Variants in H2BC21 observed in about 807,000 individuals in gnomAD.
H2BC21 encodes the protein histone H2B type 2-E.
Under a neutral mutation model 6.2 loss-of-function variants are expected in H2BC21, and 2 were observed. The observed-to-expected ratio is 0.32, with a 90% confidence interval of 0.13 to 1.02. The LOEUF is 1.02. H2BC21 is among the 50% of genes least tolerant of loss of function. The pLI, the probability that H2BC21 is intolerant of heterozygous loss-of-function variation, is 0.47. For synonymous variants in H2BC21, 109 were observed against 75.2 expected, an observed-to-expected ratio of 1.45 and a Z score of -2.33; for missense variants, 98 against 172.2, an observed-to-expected ratio of 0.57 and a Z score of 2.41.
At position 149,886,669 on chromosome 1, in the gene H2BC21, C is replaced by G; in HGVS notation, c.-29G>C. On this transcript the variant is annotated 5_prime_UTR_variant, in exon 1 of 1. Coordinates refer to ENST00000369155, the MANE Select transcript of H2BC21 (RefSeq NM_003528.3). ...AAGACACAGTACAAACGCGGCTTAG[C>G]CAAGAAAAGAAGTAAGAGAATGGGC... 1 of 1,591,808 alleles carries G rather than the reference C, an allele frequency of 6.3e-7. No homozygotes were observed. Among genetic ancestry groups the G allele is most frequent in the East Asian group, 2.2e-5 (1 of 44,702 alleles).
Position 149,886,121 on chromosome 1 carries a change from T to C in H2BC21, c.*139A>G, listed in dbSNP as rs750239745. On this transcript the variant is annotated 3_prime_UTR_variant, in exon 1 of 1. Coordinates refer to ENST00000369155, the MANE Select transcript of H2BC21 (RefSeq NM_003528.3). ...ATTTCCCATGACCTTCACACTAAAA[T>C]AACTTACTTTATGAAAAGAAACTAA... 1,086 of 1,421,748 alleles carry C rather than the reference T, an allele frequency of 7.6e-4. 2 individuals are homozygous for C. The highest frequency in any genetic ancestry group is 9.8e-4 in the Non-Finnish European group (1,028 of 1,052,702). 88.1% of individuals were successfully genotyped at this position (1,421,748 alleles called of 1,614,324 possible). A position where few individuals can be genotyped will look rare whatever the true frequency, so the allele number is the denominator to read the frequency against.
At position 149,886,009 on chromosome 1, in the gene H2BC21, G is replaced by T; in HGVS notation, c.*251C>A. On this transcript the variant is annotated 3_prime_UTR_variant, in exon 1 of 1. Transcript: ENST00000369155. ...TCCTGGGAAGGCTAAGCAGCACAAT[G>T]AGTAAAGACACGCTCTAGATTCAAA... is the stretch of plus-strand genomic sequence containing the variant. 1 of 635,442 alleles carries T rather than the reference G, an allele frequency of 1.6e-6. No homozygotes were observed. The highest frequency in any genetic ancestry group is 2.6e-6 in the Non-Finnish European group (1 of 381,810). The allele number at this position is 635,442 out of a possible 1,614,324, so 39.4% of individuals were successfully genotyped here.
rs951096736 is a variant in H2BC21, at chr1:149,885,153, T to C, written c.*1107A>G. On this transcript the variant is annotated 3_prime_UTR_variant, in exon 1 of 1. Transcript: ENST00000369155. ...GCTCCAAGAACATTTCCATTTTCAC[T>C]GTGCCTTCACATACATCTAATGGAA... 1.3e-5 allele frequency: 2 copies of C among 152,654 alleles called. No homozygotes were observed. Among genetic ancestry groups the C allele is most frequent in the East Asian group, 1.9e-4 (1 of 5,196 alleles). The allele number at this position is 152,654 out of a possible 1,614,324, so 9.5% of individuals were successfully genotyped here. A position where few individuals can be genotyped will look rare whatever the true frequency, so the allele number is the denominator to read the frequency against.
In H2BC21 at chr1:149,885,331, C is replaced by G. The variant is rs782183621; in HGVS notation, c.*929G>C. On this transcript the variant is annotated 3_prime_UTR_variant, in exon 1 of 1. Coordinates refer to ENST00000369155, the MANE Select transcript of H2BC21 (RefSeq NM_003528.3). ...GGGAAAACCACACTAGCCGGTCTGT[C>G]AAGGGCTTGAGAATACCATAAACAA... 6.6e-6 allele frequency: 1 copy of G among 152,298 alleles called. No homozygotes were observed. The highest frequency in any genetic ancestry group is 6.5e-5 in the Admixed American group (1 of 15,284). The allele number at this position is 152,298 out of a possible 1,614,324, so 9.4% of individuals were successfully genotyped here. A position where few individuals can be genotyped will look rare whatever the true frequency, so the allele number is the denominator to read the frequency against.
Position 149,886,103 on chromosome 1 carries a change from A to T in H2BC21, c.*157T>A. The T allele has an allele frequency of 9.3e-6, 12 of 1,288,020 alleles. No homozygotes were observed. In the South Asian group the frequency reaches 1.7e-4, roughly 19 times the overall value. 79.8% of individuals were successfully genotyped at this position (1,288,020 alleles called of 1,614,324 possible). On this transcript the variant is annotated 3_prime_UTR_variant, in exon 1 of 1. Transcript: ENST00000369155. ...TAAAAAGCTACGTATGCCATTTCCCATGACCTTCACACTAAAATAACTTAC... is the reference window on the plus strand; with the variant it reads ...TAAAAAGCTACGTATGCCATTTCCCTTGACCTTCACACTAAAATAACTTAC...
chr1:149,886,680 A>G lies in H2BC21; in HGVS notation c.-40T>C, dbSNP rs587674008. On this transcript the variant is annotated 5_prime_UTR_variant, in exon 1 of 1. Transcript: ENST00000369155. ...CAAACGCGGCTTAGCCAAGAAAAGA[A>G]GTAAGAGAATGGGCGGGCCTGATTC... is the stretch of plus-strand genomic sequence containing the variant. 4.4e-6 allele frequency: 7 copies of G among 1,585,830 alleles called. No homozygotes were observed. In the South Asian group the frequency reaches 8.0e-5, roughly 18 times the overall value.
chr1:149,886,587 G>A lies in H2BC21; in HGVS notation c.54C>T (p.Ala18=). The change falls in exon 1 of 1, where the codon GCC becomes GCT. Residue 18 remains alanine, a synonymous_variant. Transcript: ENST00000369155. ...CGTCTTTCTTCTGGGCTTTGGTGAC[G>A]GCTTTCTTGGAGCCCTTTTTAGGGG... ...APAPKKGSKK[A]VTKAQKKDGK... 6.2e-7 allele frequency: 1 copy of A among 1,614,190 alleles called. No homozygotes were observed. Among genetic ancestry groups the A allele is most frequent in the Non-Finnish European group, 8.5e-7 (1 of 1,180,024 alleles).
Position 149,885,917 on chromosome 1 carries a change from G to A in H2BC21, c.*343C>T, listed in dbSNP as rs886855603. 2.6e-6 allele frequency: 1 copy of A among 388,684 alleles called. No individual in the cohort carries two copies. Among genetic ancestry groups the A allele is most frequent in the South Asian group, 2.3e-5 (1 of 43,836 alleles). The allele number at this position is 388,684 out of a possible 1,614,324, so 24.1% of individuals were successfully genotyped here. A position where few individuals can be genotyped will look rare whatever the true frequency, so the allele number is the denominator to read the frequency against. On this transcript the variant is annotated 3_prime_UTR_variant, in exon 1 of 1. Transcript: ENST00000369155. ...GAAACAGACCCAAGGAGCCACCAGG[G>A]CGCGTGTGGGGCGGGAGTGGGGGCG...
chr1:149,886,536 T>C lies in H2BC21; in HGVS notation c.105A>G (p.Lys35=), dbSNP rs782404356. ...TGTACACGTAGATGGAGTAGCTCTC[T>C]TTGCGGCTGCGCTTGCGCTTCTTGC... The part of the protein sequence containing the change: ...KDGKKRKRSR[K]ESYSIYVYKV... Residue 35 remains lysine (K), a synonymous_variant, in exon 1 of 1, where the codon AAA becomes AAG. Transcript: ENST00000369155. 2.5e-5 allele frequency: 41 copies of C among 1,614,132 alleles called. No homozygotes were observed. The highest frequency in any genetic ancestry group is 3.3e-4 in the Middle Eastern group (2 of 6,084).
At position 149,885,849 on chromosome 1, in the gene H2BC21, T is replaced by G. The variant is rs2092294197; in HGVS notation, c.*411A>C. The G allele has an allele frequency of 1.0e-5, 3 of 290,442 alleles. No individual in the cohort carries two copies. Among genetic ancestry groups the G allele is most frequent in the Admixed American group, 5.1e-5 (1 of 19,532 alleles). 18.0% of individuals were successfully genotyped at this position (290,442 alleles called of 1,614,324 possible). A position where few individuals can be genotyped will look rare whatever the true frequency, so the allele number is the denominator to read the frequency against. On this transcript the variant is annotated 3_prime_UTR_variant, in exon 1 of 1. Transcript: ENST00000369155. Reference sequence around the variant, plus strand: ...ACCCGGGCTGAATTGTGTCCTGGAGTTCTCTTAAATGACAGCCGAACTCAG... The same window carrying G: ...ACCCGGGCTGAATTGTGTCCTGGAGGTCTCTTAAATGACAGCCGAACTCAG...
chr1:149,886,005 CAATGAGT>C lies in H2BC21; in HGVS notation c.*248_*254del, dbSNP rs1553759648. The C allele has an allele frequency of 3.2e-6, 2 of 620,116 alleles. No homozygotes were observed. The highest frequency in any genetic ancestry group is 5.4e-6 in the Non-Finnish European group (2 of 371,094). The allele number at this position is 620,116 out of a possible 1,614,324, so 38.4% of individuals were successfully genotyped here. A position where few individuals can be genotyped will look rare whatever the true frequency, so the allele number is the denominator to read the frequency against. Reference sequence around the variant, plus strand: ...CGACTCCTGGGAAGGCTAAGCAGCACAATGAGTAAAGACACGCTCTAGATTCAAAAGC... The same window carrying C: ...CGACTCCTGGGAAGGCTAAGCAGCACAAAGACACGCTCTAGATTCAAAAGC... On this transcript the variant is annotated 3_prime_UTR_variant, in exon 1 of 1. Transcript: ENST00000369155.
Position 149,886,629 on chromosome 1 carries a change from C to G in H2BC21, c.12G>C (p.Pro4=), listed in dbSNP as rs782633896. MPE[P]AKSAPAPKKG... ...TTTTAGGGGCCGGAGCGGATTTTGC[C>G]GGTTCAGGCATGGTAAGACACAGTA... Residue 4 remains proline (P), a synonymous_variant, in exon 1 of 1, where the codon CCG becomes CCC. Transcript: ENST00000369155. 2.5e-6 allele frequency: 4 copies of G among 1,613,658 alleles called. No individual in the cohort carries two copies. The Admixed American group carries it at 6.7e-5, about 27-fold the overall frequency.
rs1571466599 is a variant in H2BC21, at chr1:149,886,000, C to G, written c.*260G>C. 1 of 604,034 alleles carries G rather than the reference C, an allele frequency of 1.7e-6. No individual in the cohort carries two copies. Among genetic ancestry groups the G allele is most frequent in the African/African-American group, 1.9e-5 (1 of 53,802 alleles). 37.4% of individuals were successfully genotyped at this position (604,034 alleles called of 1,614,324 possible). A position where few individuals can be genotyped will look rare whatever the true frequency, so the allele number is the denominator to read the frequency against. Reference sequence around the variant, plus strand: ...AGAACCGACTCCTGGGAAGGCTAAGCAGCACAATGAGTAAAGACACGCTCT... The same window carrying G: ...AGAACCGACTCCTGGGAAGGCTAAGGAGCACAATGAGTAAAGACACGCTCT... On this transcript the variant is annotated 3_prime_UTR_variant, in exon 1 of 1. Coordinates refer to ENST00000369155, the MANE Select transcript of H2BC21 (RefSeq NM_003528.3).
At position 149,886,285 on chromosome 1, in the gene H2BC21, A is replaced by AC. The variant is rs1559774255; in HGVS notation, c.355dup (p.Val119GlyfsTer39). 3.1e-6 allele frequency: 5 copies of AC among 1,614,040 alleles called. No homozygotes were observed. The highest frequency in any genetic ancestry group is 4.2e-6 in the Non-Finnish European group (5 of 1,179,944). On this transcript the variant is annotated frameshift_variant, in exon 1 of 1. Coordinates refer to ENST00000369155, the MANE Select transcript of H2BC21 (RefSeq NM_003528.3). LOFTEE classifies it high-confidence loss of function. ...TCACTTGGAGCTGGTGTACTTGGTG[A>AC]CCGCCTTGGTGCCCTCGGACACGGC...
In H2BC21 at chr1:149,886,030, T is replaced by C. The variant is rs1559774058; in HGVS notation, c.*230A>G. 1 of 716,934 alleles carries C rather than the reference T, an allele frequency of 1.4e-6. No homozygotes were observed. Among genetic ancestry groups the C allele is most frequent in the African/African-American group, 1.8e-5 (1 of 55,926 alleles). The allele number at this position is 716,934 out of a possible 1,614,324, so 44.4% of individuals were successfully genotyped here. A position where few individuals can be genotyped will look rare whatever the true frequency, so the allele number is the denominator to read the frequency against. Reference sequence around the variant, plus strand: ...CAATGAGTAAAGACACGCTCTAGATTCAAAAGCAAATCCAATGACGCACTG... The same window carrying C: ...CAATGAGTAAAGACACGCTCTAGATCCAAAAGCAAATCCAATGACGCACTG... On this transcript the variant is annotated 3_prime_UTR_variant, in exon 1 of 1. Transcript: ENST00000369155.
In H2BC21 at chr1:149,885,836, T is replaced by C. The variant is rs587738039; in HGVS notation, c.*424A>G. ...CAGTGTTTGCGGAACCCGGGCTGAA[T>C]TGTGTCCTGGAGTTCTCTTAAATGA... On this transcript the variant is annotated 3_prime_UTR_variant, in exon 1 of 1. Transcript: ENST00000369155. 191 of 278,268 alleles carry C rather than the reference T, an allele frequency of 6.9e-4. No homozygotes were observed. The highest frequency in any genetic ancestry group is 1.1e-3 in the Non-Finnish European group (153 of 142,788). 17.2% of individuals were successfully genotyped at this position (278,268 alleles called of 1,614,324 possible).
chr1:149,885,050 T>A lies in H2BC21; in HGVS notation c.*1210A>T, dbSNP rs1401589477. The A allele has an allele frequency of 6.6e-6, 1 of 152,574 alleles. No homozygotes were observed. Among genetic ancestry groups the A allele is most frequent in the Non-Finnish European group, 1.5e-5 (1 of 68,026 alleles). 9.5% of individuals were successfully genotyped at this position (152,574 alleles called of 1,614,324 possible). On this transcript the variant is annotated 3_prime_UTR_variant, in exon 1 of 1. Coordinates refer to ENST00000369155, the MANE Select transcript of H2BC21 (RefSeq NM_003528.3). ...TGGATCTACCATTGCCACCTCCTCTTTGTAGCAAAAAAAATCTTAACACGG... is the reference window on the plus strand; with the variant it reads ...TGGATCTACCATTGCCACCTCCTCTATGTAGCAAAAAAAATCTTAACACGG...
At position 149,886,253 on chromosome 1, in the gene H2BC21, C is replaced by T. The variant is rs587731296; in HGVS notation, c.*7G>A. 10 of 1,614,074 alleles carry T rather than the reference C, an allele frequency of 6.2e-6. No individual in the cohort carries two copies. The highest frequency in any genetic ancestry group is 8.5e-6 in the Non-Finnish European group (10 of 1,179,962). ...CGAGCGAGCGAGCGCCAGGTCCCGG[C>T]AGGGACTCACTTGGAGCTGGTGTAC... is the stretch of plus-strand genomic sequence containing the variant. On this transcript the variant is annotated 3_prime_UTR_variant, in exon 1 of 1. Transcript: ENST00000369155.
chr1:149,886,200 A>G lies in H2BC21; in HGVS notation c.*60T>C. On this transcript the variant is annotated 3_prime_UTR_variant, in exon 1 of 1. Coordinates refer to ENST00000369155, the MANE Select transcript of H2BC21 (RefSeq NM_003528.3). ...TGATTAGGTGGGTGGCTCTGAAAAGAGCCTTTGGAGTCAAGCAGCCGGCGA... is the reference window on the plus strand; with the variant it reads ...TGATTAGGTGGGTGGCTCTGAAAAGGGCCTTTGGAGTCAAGCAGCCGGCGA... The G allele has an allele frequency of 6.2e-7, 1 of 1,613,126 alleles. No homozygotes were observed. The highest frequency in any genetic ancestry group is 1.3e-5 in the African/African-American group (1 of 75,026).
Sources: gnomAD v4.1 joint callset for allele counts on GRCh38, gnomAD v4.1.1 for gene constraint, MANE v1.5 for transcripts, NCBI Gene and HGNC (gene_info 2026-07-23, HGNC 2026-07-21) for gene names.